Variants in TNPO3 observed in about 807,000 individuals in gnomAD.
TNPO3 encodes transportin-3.
In TNPO3, 65 loss-of-function variants were observed where a neutral mutation model predicts 122.8. The ratio of observed to expected loss-of-function variants is 0.53; its 90% CI spans 0.43 to 0.65. The LOEUF (loss-of-function observed/expected upper bound fraction) is 0.65, where lower values mean the gene tolerates loss of function less well. Ranked by LOEUF, TNPO3 falls within the 30% of genes least tolerant of loss-of-function variation. The pLI is 0.00. For synonymous variants in TNPO3, 372 were observed against 411.2 expected, an observed-to-expected ratio of 0.90 and a Z score of 1.15; for missense variants, 850 against 1,136.7, an observed-to-expected ratio of 0.75 and a Z score of 3.63.
chr7:128,970,083 T>G, intron 20 of TNPO3, 65 bp downstream of exon 20: 5 of 1,603,284 alleles, frequency 3.1e-6, no homozygotes, highest in Non-Finnish European at 4.3e-6. Flanking sequence ...AGGGTTGGCC[T>G]TAAGGAACCA....
At position 128,957,454 on chromosome 7, in the gene TNPO3, G is replaced by C. The variant is rs938656821; in HGVS notation, c.2712-139C>G. The C allele has an allele frequency of 1.5e-5, 12 of 821,480 alleles. No individual in the cohort carries two copies. The African/African-American group carries it at 2.1e-4, about 14-fold the overall frequency. The allele number at this position is 821,480 out of a possible 1,614,324, so 50.9% of individuals were successfully genotyped here. A position where few individuals can be genotyped will look rare whatever the true frequency, so the allele number is the denominator to read the frequency against. On this transcript the variant is annotated intron_variant, in intron 21 of 22. Coordinates refer to ENST00000265388, the MANE Select transcript of TNPO3 (RefSeq NM_012470.4). ...CTCCATCGTCTCCTGAGCGATCCTGGCTTCAGATCTTTCTGTAATTCAGGG... is the reference window on the plus strand; with the variant it reads ...CTCCATCGTCTCCTGAGCGATCCTGCCTTCAGATCTTTCTGTAATTCAGGG...
intron 1 of TNPO3, among the ~76,000 whole-genome samples, chr7:129,046,764 G>A (rs1241681329): frequency 1.3e-5 from 2 of 152,294 alleles, no homozygotes; most frequent in Non-Finnish European, 1.5e-5. Flanking sequence ...GGCGGAAGAC[G>A]AAGGAAGAGC....
chr7:128,955,756 G>A (rs954011073), intron 22 of TNPO3, among the ~76,000 whole-genome samples: 7 of 152,118 alleles, frequency 4.6e-5, no homozygotes, highest in African/African-American at 1.7e-4. Context: ...TTTGAAAGAA[G>A]GCTTTGCCTA....
intron 4 of TNPO3, among the ~76,000 whole-genome samples, chr7:129,009,608 C>A (rs1163755897): frequency 6.6e-6 from 1 of 152,190 alleles, no homozygotes; most frequent in Non-Finnish European, 1.5e-5. Context: ...GCCTTGAATG[C>A]CCAAGTGGCT....
intron 21 of TNPO3, among the ~76,000 whole-genome samples, chr7:128,966,329 C>T (rs1385501328): frequency 6.6e-6 from 1 of 152,148 alleles, no homozygotes; most frequent in Non-Finnish European, 1.5e-5. Context: ...CTTGCTATAA[C>T]ATTCCTTCTT....
At chr7:128,967,434 G>A in intron 20 of TNPO3, 42 bp from the exon 21 acceptor site, 1 of 1,357,070 alleles carries the variant, frequency 7.4e-7, no homozygotes, top group South Asian at 1.2e-5. Context: ...AGGAAGCATA[G>A]CTTACTCACC....
At chr7:129,005,235 T>C (rs1802436090) in intron 4 of TNPO3, 76 bp from the exon 5 acceptor site, 3 of 1,346,572 alleles carry the variant, frequency 2.2e-6, no homozygotes, top group African/African-American at 1.5e-5. Flanking sequence ...ACCTTACAAG[T>C]ATAATAATGA....
chr7:128,987,729 C>T (rs754278763), intron 11 of TNPO3, among the ~76,000 whole-genome samples: 11 of 152,082 alleles, frequency 7.2e-5, no homozygotes, highest in South Asian at 4.2e-4. Context: ...TACAGGCATG[C>T]GTCAAGCCCA....
At chr7:128,959,337 C>A (rs1797210003) in intron 21 of TNPO3, among the ~76,000 whole-genome samples, 1 of 152,144 alleles carries the variant, frequency 6.6e-6, no homozygotes, top group Non-Finnish European at 1.5e-5. Flanking sequence ...TTAAATTTTA[C>A]CCTTCCTCAA....
intron 21 of TNPO3, among the ~76,000 whole-genome samples, chr7:128,962,533 G>A (rs2128982708): frequency 6.6e-6 from 1 of 152,320 alleles, no homozygotes; most frequent in South Asian, 2.1e-4. Flanking sequence ...AATCAAAAGG[G>A]AGACTGAGTC....
rs144697993 is a variant in TNPO3, at chr7:128,956,285, C to G, written c.*32-900G>C. ...AAACTACCAGTGAGTGCTACAGATT[C>G]ATCAAGAATTGCCTCCTGGGAGAAG... On this transcript the variant is annotated intron_variant, in intron 22 of 22. Transcript: ENST00000265388. Among the ~76,000 whole-genome samples, 487 of 152,326 alleles carry G rather than the reference C, an allele frequency of 3.2e-3. 1 individual carries two copies. The highest frequency in any genetic ancestry group is 0.011 in the African/African-American group (468 of 41,574).
chr7:128,974,415 G>A (rs1798846812), intron 18 of TNPO3, among the ~76,000 whole-genome samples: 1 of 151,304 alleles, frequency 6.6e-6, no homozygotes, highest in East Asian at 2.0e-4. Context: ...AGTAGGCTGT[G>A]AGTAGAGCTG....
intron 11 of TNPO3, among the ~76,000 whole-genome samples, chr7:128,988,083 C>G (rs1800361811): frequency 6.6e-6 from 1 of 151,762 alleles, no homozygotes. Flanking sequence ...AAGTGATTCT[C>G]CCTGCCTCAG....
Position 129,054,726 on chromosome 7 carries a change from C to A in TNPO3, c.45G>T (p.Val15=), listed in dbSNP as rs769583696. 1.2e-6 allele frequency: 2 copies of A among 1,614,216 alleles called. No homozygotes were observed. Among genetic ancestry groups the A allele is most frequent in the South Asian group, 2.2e-5 (2 of 91,084 alleles). ...GATCTGGGTCGTGGTAAAGCGCCTG[C>A]ACTGCCTGGTACACGAGCTGCAATG... ...KPTLQLVYQA[V]QALYHDPDPS... The change falls in exon 1 of 23, where the codon GTG becomes GTT. Residue 15 remains valine, a synonymous_variant. Transcript: ENST00000265388.
chr7:128,982,086 T>C (rs1799682033), intron 14 of TNPO3, among the ~76,000 whole-genome samples, 162 bp downstream of exon 14: 1 of 152,152 alleles, frequency 6.6e-6, no homozygotes, highest in Admixed American at 6.6e-5. Context: ...ATTCTTAGAA[T>C]TTGCCTTTGC....
chr7:129,031,191 T>C (rs1221376557), intron 1 of TNPO3, among the ~76,000 whole-genome samples: 1 of 151,808 alleles, frequency 6.6e-6, no homozygotes, highest in East Asian at 1.9e-4. Context: ...CCCAGCTACT[T>C]GGGAGGCTGA....
At chr7:129,033,719 C>A (rs528419470) in intron 1 of TNPO3, among the ~76,000 whole-genome samples, 22 of 152,090 alleles carry the variant, frequency 1.4e-4, no homozygotes, top group African/African-American at 4.3e-4. Flanking sequence ...TCGAGACCAG[C>A]CTGGCCAACA....
At chr7:129,054,588 C>A in intron 1 of TNPO3, 63 bp downstream of exon 1, 1 of 1,599,946 alleles carries the variant, frequency 6.3e-7, no homozygotes, top group Non-Finnish European at 8.5e-7. Context: ...GGTTCTCCCC[C>A]GGAGCCTAGG....
chr7:129,045,510 C>T (rs567625868), intron 1 of TNPO3, among the ~76,000 whole-genome samples: 35 of 146,374 alleles, frequency 2.4e-4, no homozygotes, highest in Middle Eastern at 3.5e-3. Context: ...AAAAAAAAAA[C>T]GTTAAAATGC....
Sources: gnomAD v4.1 joint callset for allele counts (sites outside exome capture counted in the v4.1 genomes callset) on GRCh38, gnomAD v4.1.1 for gene constraint, MANE v1.5 for transcripts, NCBI Gene and HGNC (gene_info 2026-07-23, HGNC 2026-07-21) for gene names.